CAMK2B: variants seen among roughly 807,000 people sequenced by gnomAD.
CAMK2B encodes the protein calcium/calmodulin dependent protein kinase II beta.
In CAMK2B, 27 loss-of-function variants were observed where a neutral mutation model predicts 93.7. The observed-to-expected ratio is 0.29, with a 90% CI of 0.21 to 0.40. CAMK2B has a LOEUF of 0.40. CAMK2B is among the 10% of genes least tolerant of loss of function. The probability of loss-of-function intolerance (pLI) is 1.00; values close to 1 mark genes in which losing one functional copy is unlikely to be tolerated. For synonymous variants in CAMK2B, 374 were observed against 358.8 expected (o/e 1.04, Z -0.48); for missense variants, 568 against 895.8 (o/e 0.63, Z 4.67).
intron 1 of CAMK2B, 110 bp downstream of exon 1, chr7:44,325,247 G>T: frequency 1.9e-6 from 1 of 523,024 alleles, no homozygotes; most frequent in Non-Finnish European, 2.5e-6. Context: ...GCCCAGAGAA[G>T]CCGGCGGCGC....
intron 2 of CAMK2B, among the ~76,000 whole-genome samples, chr7:44,269,468 C>T (rs1301364250): frequency 6.6e-6 from 1 of 152,224 alleles, no homozygotes; most frequent in Non-Finnish European, 1.5e-5. Context: ...CTGGCAGAGG[C>T]TTCTCTGCCC....
intron 10 of CAMK2B, 34 bp from the exon 11 acceptor site, chr7:44,241,817 G>A (rs1248631772): frequency 6.4e-7 from 1 of 1,567,628 alleles, no homozygotes; most frequent in South Asian, 1.1e-5. Flanking sequence ...TGGCAGCCGA[G>A]CCCGAGGCAC....
At chr7:44,242,174 C>T (rs779645645) in intron 10 of CAMK2B, 44 bp downstream of exon 10, 3 of 1,590,434 alleles carry the variant, frequency 1.9e-6, no homozygotes, top group Middle Eastern at 1.7e-4. Context: ...AGGCCATCTC[C>T]ACCAGGAGCC....
At chr7:44,263,434 G>T (rs1465449699) in intron 2 of CAMK2B, among the ~76,000 whole-genome samples, 4 of 152,228 alleles carry the variant, frequency 2.6e-5, no homozygotes, top group African/African-American at 9.6e-5. Context: ...TTCTTCCGAG[G>T]CAGGGGAGGG....
intron 2 of CAMK2B, among the ~76,000 whole-genome samples, chr7:44,280,153 T>A (rs1164781498): frequency 1.3e-5 from 2 of 152,288 alleles, no homozygotes; most frequent in East Asian, 3.9e-4. Flanking sequence ...AGACAGAATG[T>A]GCAGAGGGGC....
At position 44,243,491 on chromosome 7, in the gene CAMK2B, C is replaced by A. The variant is rs746289450; in HGVS notation, c.451G>T (p.Ala151Ser). 6.2e-7 allele frequency: 1 copy of A among 1,614,080 alleles called. No individual in the cohort carries two copies. The highest frequency in any genetic ancestry group is 1.1e-5 in the South Asian group (1 of 91,082). Residue 151 changes from alanine (A) to serine (S), a missense_variant, in exon 7 of 24, where the codon GCT (alanine) becomes TCT (serine). Transcript: ENST00000395749. ...NLLLASKCKG[A>S]AVKLADFGLA... Reference sequence around the variant, plus strand: ...CCGAAGTCTGCCAGCTTCACTGCAGCCCCTTTGCACTTGCTGGCCAGAAGC... The same window carrying A: ...CCGAAGTCTGCCAGCTTCACTGCAGACCCTTTGCACTTGCTGGCCAGAAGC...
At chr7:44,279,150 T>G (rs947617264) in intron 2 of CAMK2B, among the ~76,000 whole-genome samples, 1 of 152,214 alleles carries the variant, frequency 6.6e-6, no homozygotes, top group Non-Finnish European at 1.5e-5. Flanking sequence ...TGGCTGTTTT[T>G]GGAACCCTTT....
At chr7:44,220,976 AG>A (rs2096395983) in intron 20 of CAMK2B, 75 bp from the exon 21 acceptor site, 2 of 1,304,234 alleles carry the variant, frequency 1.5e-6, no homozygotes, top group African/African-American at 1.5e-5. Flanking sequence ...AGCCCAGGGG[AG>A]GGCCTGGGGG....
At chr7:44,233,365 T>G (rs982825932) in intron 15 of CAMK2B, among the ~76,000 whole-genome samples, 1 of 152,052 alleles carries the variant, frequency 6.6e-6, no homozygotes, top group African/African-American at 2.4e-5. Flanking sequence ...AGGCCCTAGG[T>G]AGGCTGCACC....
intron 1 of CAMK2B, among the ~76,000 whole-genome samples, chr7:44,309,225 G>A (rs758262208): frequency 2.6e-4 from 39 of 152,356 alleles, no homozygotes; most frequent in Non-Finnish European, 4.4e-4. Flanking sequence ...AGGGGGCTGG[G>A]ACAAGGGGCA....
At chr7:44,310,726 G>A (rs895602626) in intron 1 of CAMK2B, among the ~76,000 whole-genome samples, 10 of 152,204 alleles carry the variant, frequency 6.6e-5, no homozygotes, top group African/African-American at 2.4e-4. Context: ...CCACTTATAT[G>A]GGGTCCCTAA....
rs1039244014 is a variant in CAMK2B, at chr7:44,228,908, G to A, written c.1356C>T (p.Asp452=). 1.9e-6 allele frequency: 3 copies of A among 1,608,778 alleles called. No individual in the cohort carries two copies. The highest frequency in any genetic ancestry group is 1.3e-5 in the African/African-American group (1 of 74,786). Residue 452 remains aspartate (D), a synonymous_variant, in exon 19 of 24, where the codon GAC becomes GAT. Coordinates refer to ENST00000395749, the MANE Select transcript of CAMK2B (RefSeq NM_001220.5). ...AACCCCTTCTCACAGAGTTCAGGAT[G>A]TCAGAGATCCTGGGGGCTGGGGTGG... ...PLPAPSPRIS[D]ILNSVRRGSG...
At chr7:44,274,532 C>T (rs576471420) in intron 2 of CAMK2B, among the ~76,000 whole-genome samples, 18 of 152,364 alleles carry the variant, frequency 1.2e-4, no homozygotes, top group Admixed American at 1.0e-3. Context: ...CAAGTCGTCC[C>T]GGGCACCTGG....
At chr7:44,300,613 G>A (rs1789728734) in intron 1 of CAMK2B, among the ~76,000 whole-genome samples, 1 of 152,134 alleles carries the variant, frequency 6.6e-6, no homozygotes, top group South Asian at 2.1e-4. Flanking sequence ...ACCTAACACA[G>A]AGCATCAAAA....
At chr7:44,230,928 G>T in intron 17 of CAMK2B, 78 bp downstream of exon 17, 3 of 1,285,614 alleles carry the variant, frequency 2.3e-6, no homozygotes, top group Non-Finnish European at 3.3e-6. Flanking sequence ...AGTTGACCCT[G>T]CCCAAGTCCC....
chr7:44,232,095 G>T (rs2096584930), intron 16 of CAMK2B, among the ~76,000 whole-genome samples: 1 of 152,202 alleles, frequency 6.6e-6, no homozygotes, highest in Admixed American at 6.5e-5. Context: ...AGCACCATGG[G>T]TGCCCCTTGG....
intron 5 of CAMK2B, among the ~76,000 whole-genome samples, chr7:44,251,279 C>T (rs974327507): frequency 1.8e-4 from 28 of 152,228 alleles, no homozygotes; most frequent in African/African-American, 6.8e-4. Flanking sequence ...GTCAAGCTCC[C>T]TCCTTTGCTA....
chr7:44,237,949 C>T (rs1409155672), intron 13 of CAMK2B, among the ~76,000 whole-genome samples: 2 of 152,186 alleles, frequency 1.3e-5, no homozygotes, highest in Non-Finnish European at 2.9e-5. Flanking sequence ...CTGATCAATG[C>T]AGGAGAGACC....
chr7:44,283,560 G>A (rs1784302417), intron 2 of CAMK2B, among the ~76,000 whole-genome samples: 1 of 152,260 alleles, frequency 6.6e-6, no homozygotes, highest in Non-Finnish European at 1.5e-5. Context: ...CTGCCACTAT[G>A]TAGAAGACTT....
Sources: gnomAD v4.1 joint callset for allele counts (sites outside exome capture counted in the v4.1 genomes callset) on GRCh38, gnomAD v4.1.1 for gene constraint, MANE v1.5 for transcripts, NCBI Gene and HGNC (gene_info 2026-07-23, HGNC 2026-07-21) for gene names.